PLCE1: variants seen among roughly 807,000 people sequenced by gnomAD.
PLCE1 encodes the protein phospholipase C epsilon 1, also known as 1-phosphatidylinositol 4,5-bisphosphate phosphodiesterase epsilon-1.
PLCE1 carries 119 observed loss-of-function variants against 242.8 expected under a neutral mutation model. The observed-to-expected ratio is 0.49, with a 90% CI of 0.42 to 0.57. The LOEUF (loss-of-function observed/expected upper bound fraction) is 0.57. Among genes scored for constraint, PLCE1 ranks in the 20% least tolerant of loss-of-function variants. PLCE1 has a pLI of 0.00. For synonymous variants in PLCE1, 945 were observed against 1,017.4 expected, an observed-to-expected ratio of 0.93 and a Z score of 1.35; for missense variants, 2,441 against 2,788.8, an observed-to-expected ratio of 0.88 and a Z score of 2.81.
chr10:94,092,236 G>A (rs1343077), intron 2 of PLCE1, among the ~76,000 whole-genome samples: 61,578 of 151,974 alleles, frequency 0.41, 16,008 homozygotes, highest in African/African-American at 0.75. Context: ...AAATATGACA[G>A]GATTCAAAAA....
At chr10:94,104,110 T>G (rs2045638226) in intron 2 of PLCE1, 1 of 152,238 alleles carries the variant, frequency 6.6e-6, no homozygotes. Context: ...AGAGTCAATG[T>G]GCGGCCACTC....
At chr10:93,999,673 C>T (rs1258610937) in intron 1 of PLCE1, among the ~76,000 whole-genome samples, 1 of 152,222 alleles carries the variant, frequency 6.6e-6, no homozygotes, top group Non-Finnish European at 1.5e-5. Context: ...GGGCTGGCCT[C>T]CCTCTCGCTC....
chr10:94,202,364 C>T (rs1221595002), intron 4 of PLCE1, among the ~76,000 whole-genome samples: 5 of 149,798 alleles, frequency 3.3e-5, no homozygotes, highest in Non-Finnish European at 7.4e-5. Context: ...TTTGTTCTTT[C>T]ATTGCTTTCT....
intron 3 of PLCE1, among the ~76,000 whole-genome samples, chr10:94,145,680 C>G (rs998474564): frequency 2.0e-5 from 3 of 152,056 alleles, no homozygotes; most frequent in Admixed American, 6.5e-5. Context: ...GGCCCCACCT[C>G]CAGGTGGTGT....
intron 3 of PLCE1, among the ~76,000 whole-genome samples, chr10:94,167,330 C>A (rs1006986926): frequency 6.6e-6 from 1 of 151,974 alleles, no homozygotes; most frequent in Non-Finnish European, 1.5e-5. Context: ...CATCCAGGAA[C>A]CCTCTTTGAT....
chr10:94,263,500 CAAGACCCCATCTCAAAAAAAAAAAAAAA>C (rs1288578269), intron 14 of PLCE1, among the ~76,000 whole-genome samples: 1 of 136,926 alleles, frequency 7.3e-6, no homozygotes, highest in African/African-American at 2.7e-5. Flanking sequence ...GGCAACAGAG[CAAGACCCCATCTCAAAAAAAAAAAAAAA>C]AAGAAAAAGA....
chr10:94,125,027 G>A (rs1250389689), intron 2 of PLCE1, among the ~76,000 whole-genome samples: 1 of 152,208 alleles, frequency 6.6e-6, no homozygotes, highest in East Asian at 1.9e-4. Context: ...TGAATCCAAT[G>A]TAGTCAGGGC....
intron 2 of PLCE1, among the ~76,000 whole-genome samples, chr10:94,042,141 G>GT (rs1326633912): frequency 6.6e-6 from 1 of 152,100 alleles, no homozygotes; most frequent in Non-Finnish European, 1.5e-5. Flanking sequence ...CTGACCCTGA[G>GT]TTTCAGGTTG....
intron 13 of PLCE1, among the ~76,000 whole-genome samples, chr10:94,259,992 CCT>C (rs779121995): frequency 2.8e-4 from 42 of 152,228 alleles, no homozygotes; most frequent in Admixed American, 1.3e-3. Flanking sequence ...ATGGGAAAGA[CCT>C]GCCCCCATGA....
chr10:94,256,338 A>AAAAAG (rs2051098252), intron 11 of PLCE1, among the ~76,000 whole-genome samples: 1 of 140,440 alleles, frequency 7.1e-6, no homozygotes, highest in Admixed American at 7.2e-5. Context: ...AAAAAAAAAA[A>AAAAAG]AAAGAAAGAA....
rs908143194 is a variant in PLCE1, at chr10:94,172,543, C to T, written c.1809+1047C>T. Among the ~76,000 whole-genome samples the T allele has an allele frequency of 5.9e-5, 9 of 152,162 alleles. No homozygotes were observed. The South Asian group carries it at 1.9e-3, about 31-fold the overall frequency. On this transcript the variant is annotated intron_variant, in intron 4 of 32. Coordinates refer to ENST00000371380, the MANE Select transcript of PLCE1 (RefSeq NM_016341.4). ...TCATCCTGTGTTACATAAACACTTT[C>T]TGGCAAGGTGCGGTGGCTCATGCCT... is the stretch of plus-strand genomic sequence containing the variant.
At chr10:94,101,781 C>G (rs1000966356) in intron 2 of PLCE1, among the ~76,000 whole-genome samples, 5 of 152,186 alleles carry the variant, frequency 3.3e-5, no homozygotes, top group East Asian at 1.9e-4. Flanking sequence ...GCCCCCTGCT[C>G]TGTGTGGAGG....
intron 13 of PLCE1, among the ~76,000 whole-genome samples, chr10:94,260,391 A>C (rs1432032381): frequency 6.6e-6 from 1 of 152,188 alleles, no homozygotes; most frequent in South Asian, 2.1e-4. Flanking sequence ...TTTCCAGCCT[A>C]TCATTTTCCT....
intron 4 of PLCE1, among the ~76,000 whole-genome samples, chr10:94,210,590 C>T (rs1280009668): frequency 6.6e-6 from 1 of 152,172 alleles, no homozygotes; most frequent in Non-Finnish European, 1.5e-5. Context: ...TCACTTCAGC[C>T]TCCCCACGTC....
intron 31 of PLCE1, 58 bp from the exon 32 acceptor site, chr10:94,324,834 T>C: frequency 6.6e-7 from 1 of 1,522,832 alleles, no homozygotes; most frequent in Non-Finnish European, 9.1e-7. Flanking sequence ...AATAGTGTCA[T>C]GTGACAGAGG....
At chr10:94,066,390 C>T (rs1438610369) in intron 2 of PLCE1, among the ~76,000 whole-genome samples, 1 of 152,146 alleles carries the variant, frequency 6.6e-6, no homozygotes, top group Non-Finnish European at 1.5e-5. Flanking sequence ...GAATTGTATC[C>T]TTCAACAAAT....
chr10:94,253,360 T>C (rs1184952242), intron 9 of PLCE1, among the ~76,000 whole-genome samples: 2 of 151,944 alleles, frequency 1.3e-5, no homozygotes, highest in Admixed American at 1.3e-4. Flanking sequence ...CACACACTTT[T>C]TTTTTCTCTT....
At chr10:94,273,502 A>G in intron 18 of PLCE1, 60 bp from the exon 19 acceptor site, 8 of 1,420,614 alleles carry the variant, frequency 5.6e-6, no homozygotes, top group Admixed American at 5.1e-5. Context: ...TGAAGTGTAC[A>G]TATATTTATC....
Position 94,252,484 on chromosome 10 carries a change from A to G in PLCE1, c.3265A>G (p.Lys1089Glu), listed in dbSNP as rs1394137090. ...CATAAGCACTACCAAGAAAAAGAAG[A>G]AAATCCTCATGAGGGTAGAGTGTTA... is the stretch of plus-strand genomic sequence containing the variant. ...LGISTTKKKK[K>E]ILMRGESGEV... Residue 1089 changes from lysine (K) to glutamate (E), a missense_variant, in exon 9 of 33, where the codon AAA (lysine) becomes GAA (glutamate). Physicochemically the swap from Lys to Glu is moderately conservative, Grantham distance 56 (BLOSUM62 1). Around this residue, in one of 5 missense-constraint regions of PLCE1, gnomAD observed 1,004 missense variants for 1,322.7 expected, o/e 0.76. Transcript: ENST00000371380. The G allele has an allele frequency of 1.9e-6, 3 of 1,613,412 alleles. No individual in the cohort carries two copies. The highest frequency in any genetic ancestry group is 2.5e-6 in the Non-Finnish European group (3 of 1,179,730).
Sources: allele counts gnomAD v4.1 joint callset (sites outside exome capture counted in the v4.1 genomes callset), GRCh38; gene constraint gnomAD v4.1.1; regional missense constraint gnomAD v4.1.1; transcripts MANE v1.5; gene names NCBI Gene and HGNC (gene_info 2026-07-23, HGNC 2026-07-21).